Variants in PTDSS1 observed in about 807,000 individuals in gnomAD.
PTDSS1 encodes phosphatidylserine synthase 1.
In PTDSS1, 45 loss-of-function variants were observed where a neutral mutation model predicts 70.5. The observed-to-expected ratio is 0.64, with a 90% CI of 0.50 to 0.82. PTDSS1 has a LOEUF of 0.82. Ranked by LOEUF, PTDSS1 falls within the 40% of genes least tolerant of loss-of-function variation. PTDSS1 has a pLI of 0.00. For missense variants in PTDSS1, 417 were observed against 586.1 expected (o/e 0.71, Z 2.98); for synonymous variants, 188 against 203.8 (o/e 0.92, Z 0.66).
At chr8:96,310,385 T>A (rs1811192616) in intron 9 of PTDSS1, among the ~76,000 whole-genome samples, 1 of 151,676 alleles carries the variant, frequency 6.6e-6, no homozygotes, top group Non-Finnish European at 1.5e-5. Flanking sequence ...GGCTGGTTTC[T>A]AACTCTGACC....
chr8:96,276,049 T>C (rs1221764017), intron 2 of PTDSS1, among the ~76,000 whole-genome samples: 1 of 152,244 alleles, frequency 6.6e-6, no homozygotes, highest in Non-Finnish European at 1.5e-5. Context: ...CCTGTGTTAT[T>C]TGTTGCTTAG....
At chr8:96,319,290 T>G (rs939432133) in intron 9 of PTDSS1, among the ~76,000 whole-genome samples, 3 of 152,140 alleles carry the variant, frequency 2.0e-5, no homozygotes, top group Admixed American at 1.3e-4. Flanking sequence ...GAGCAAGGAA[T>G]GCATAAAATG....
At position 96,309,596 on chromosome 8, in the gene PTDSS1, C is replaced by T. The variant is rs145261755; in HGVS notation, c.1047C>T (p.Arg349=). ...YAYLTDTQCK[R]VGTQCWVFGV... is the part of the protein sequence containing the mutation. ...ACCTCACCGACACACAGTGCAAGCG[C>T]GTAGGAACACAATGCTGGGTGTTTG... The change falls in exon 9 of 13, where the codon CGC becomes CGT. Residue 349 remains arginine (R), a synonymous_variant. Coordinates refer to ENST00000517309, the MANE Select transcript of PTDSS1 (RefSeq NM_014754.3). 97 of 1,613,930 alleles carry T rather than the reference C, an allele frequency of 6.0e-5. 1 individual carries two copies. The highest frequency in any genetic ancestry group is 2.1e-4 in the African/African-American group (16 of 75,000).
At chr8:96,305,841 C>T (rs1295165257) in intron 7 of PTDSS1, among the ~76,000 whole-genome samples, 1 of 152,152 alleles carries the variant, frequency 6.6e-6, no homozygotes, top group Non-Finnish European at 1.5e-5. Flanking sequence ...GCGCCCACCA[C>T]CATGCCTGTT....
intron 9 of PTDSS1, 85 bp downstream of exon 9, chr8:96,309,707 T>A: frequency 7.5e-7 from 1 of 1,331,626 alleles, no homozygotes; most frequent in Non-Finnish European, 1.1e-6. Flanking sequence ...GTTAAGAGCC[T>A]TTCAGTATAA....
chr8:96,276,968 GCGCA>G (rs560210158), intron 2 of PTDSS1, among the ~76,000 whole-genome samples: 2 of 111,724 alleles, frequency 1.8e-5, no homozygotes, highest in African/African-American at 7.2e-5. Context: ...ACATACACGC[GCGCA>G]CGCGCGCGCA....
intron 4 of PTDSS1, among the ~76,000 whole-genome samples, chr8:96,288,625 CTTTTT>C (rs777705401): frequency 5.9e-5 from 5 of 84,648 alleles, no homozygotes; most frequent in African/African-American, 2.9e-4. Context: ...CACGCTTGGC[CTTTTT>C]TTTTTTTTTT....
At chr8:96,309,475 T>A in intron 8 of PTDSS1, 82 bp from the exon 9 acceptor site, 1 of 1,340,986 alleles carries the variant, frequency 7.5e-7, no homozygotes, top group Non-Finnish European at 1.1e-6. Context: ...GGACGTTTTT[T>A]ACTTTGTCAA....
chr8:96,293,358 G>A (rs570809143), intron 4 of PTDSS1, among the ~76,000 whole-genome samples: 38 of 152,238 alleles, frequency 2.5e-4, no homozygotes, highest in Non-Finnish European at 5.0e-4. Flanking sequence ...AAGGCAGAGG[G>A]TAAGGCCGCC....
intron 4 of PTDSS1, among the ~76,000 whole-genome samples, chr8:96,290,512 C>G (rs1810887002): frequency 6.6e-6 from 1 of 152,166 alleles, no homozygotes; most frequent in South Asian, 2.1e-4. Flanking sequence ...CTCTAGTTTT[C>G]AAGTATTGGC....
intron 10 of PTDSS1, 40 bp downstream of exon 10, chr8:96,320,385 C>G: frequency 8.0e-6 from 12 of 1,499,016 alleles, no homozygotes; most frequent in Non-Finnish European, 1.1e-5. Flanking sequence ...TAGCTAAACT[C>G]TCATAGTATC....
At chr8:96,292,757 G>C (rs1051473824) in intron 4 of PTDSS1, among the ~76,000 whole-genome samples, 2 of 152,220 alleles carry the variant, frequency 1.3e-5, no homozygotes, top group African/African-American at 4.8e-5. Flanking sequence ...GGAGCAGATT[G>C]CTTTAGACCT....
intron 9 of PTDSS1, among the ~76,000 whole-genome samples, chr8:96,318,112 A>C (rs1356257570): frequency 6.6e-6 from 1 of 151,862 alleles, no homozygotes; most frequent in Non-Finnish European, 1.5e-5. Context: ...ATCATTTGAG[A>C]TGAGGAGTTG....
chr8:96,301,956 A>G (rs1213174152), intron 6 of PTDSS1, among the ~76,000 whole-genome samples: 1 of 151,706 alleles, frequency 6.6e-6, no homozygotes, highest in Non-Finnish European at 1.5e-5. Flanking sequence ...TTATTACTAA[A>G]CCTTTCTTTG....
chr8:96,267,205 G>A (rs185846810), intron 1 of PTDSS1, among the ~76,000 whole-genome samples: 15 of 152,278 alleles, frequency 9.9e-5, no homozygotes, highest in Admixed American at 3.9e-4. Context: ...ATCCCAGAAC[G>A]AGGACTAGTC....
intron 10 of PTDSS1, among the ~76,000 whole-genome samples, chr8:96,320,835 C>G (rs1811363941): frequency 6.6e-6 from 1 of 152,184 alleles, no homozygotes; most frequent in Non-Finnish European, 1.5e-5. Context: ...CGTTATAACC[C>G]AAGCCTGGAT....
At chr8:96,275,117 G>A (rs576018819) in intron 2 of PTDSS1, among the ~76,000 whole-genome samples, 1 of 152,078 alleles carries the variant, frequency 6.6e-6, no homozygotes, top group East Asian at 1.9e-4. Flanking sequence ...GGAATAAAGG[G>A]GTGTTGACCC....
intron 12 of PTDSS1, among the ~76,000 whole-genome samples, chr8:96,332,560 T>C (rs546782818): frequency 6.6e-6 from 1 of 152,320 alleles, no homozygotes; most frequent in Middle Eastern, 3.4e-3. Flanking sequence ...CTGATAGAGA[T>C]GGACAGAGGG....
intron 5 of PTDSS1, among the ~76,000 whole-genome samples, chr8:96,297,596 C>G (rs1810993646): frequency 6.6e-6 from 1 of 152,196 alleles, no homozygotes; most frequent in African/African-American, 2.4e-5. Context: ...AGTGCTGCAG[C>G]CGCCTCTGCT....
Sources: gnomAD v4.1 joint callset for allele counts (sites outside exome capture counted in the v4.1 genomes callset) on GRCh38, gnomAD v4.1.1 for gene constraint, MANE v1.5 for transcripts, NCBI Gene and HGNC (gene_info 2026-07-23, HGNC 2026-07-21) for gene names.